The following FAT3 variants were observed in gnomAD, a reference collection of about 807,000 sequenced individuals.
FAT3 encodes the protein FAT atypical cadherin 3, also known as protocadherin Fat 3.
A neutral mutation model predicts 310.2 loss-of-function variants in FAT3; 95 were observed. The observed-to-expected ratio is 0.31, with a 90% CI of 0.26 to 0.36. FAT3 has a LOEUF of 0.36. Ranked by LOEUF, FAT3 falls within the 10% of genes least tolerant of loss-of-function variation. The probability of loss-of-function intolerance (pLI) is 1.00; values close to 1 mark genes in which losing one functional copy is unlikely to be tolerated. For missense variants in FAT3, 5,408 were observed against 5,715.6 expected, an observed-to-expected ratio of 0.95 and a Z score of 1.74; for synonymous variants, 2,314 against 2,192.9, an observed-to-expected ratio of 1.06 and a Z score of -1.54.
chr11:92,535,225 A>G (rs1954213432), intron 3 of FAT3, among the ~76,000 whole-genome samples: 1 of 152,166 alleles, frequency 6.6e-6, no homozygotes, highest in Non-Finnish European at 1.5e-5. Flanking sequence ...AGATGGAAGC[A>G]GAGACTGGAG....
chr11:92,757,594 T>C (rs1024857121), intron 4 of FAT3, among the ~76,000 whole-genome samples: 1 of 152,164 alleles, frequency 6.6e-6, no homozygotes, highest in Non-Finnish European at 1.5e-5. Flanking sequence ...GATGGAATGA[T>C]TGATGATGCC....
At chr11:92,304,212 A>AT (rs1331416666) in intron 1 of FAT3, among the ~76,000 whole-genome samples, 1 of 152,038 alleles carries the variant, frequency 6.6e-6, no homozygotes, top group African/African-American at 2.4e-5. Context: ...TCCAGCTTTC[A>AT]TTCTGCATAA....
chr11:92,856,680 A>G (rs764143327), intron 19 of FAT3, among the ~76,000 whole-genome samples: 1 of 152,218 alleles, frequency 6.6e-6, no homozygotes. Flanking sequence ...AGAAGGGATT[A>G]GGAAACAATG....
At chr11:92,311,248 A>G (rs1034011505) in intron 1 of FAT3, among the ~76,000 whole-genome samples, 5 of 152,110 alleles carry the variant, frequency 3.3e-5, no homozygotes, top group Non-Finnish European at 7.3e-5. Flanking sequence ...TTGGAAACCA[A>G]CTGAGCTTTA....
At chr11:92,315,510 T>TAGAGAGAGAGAGAG (rs1197551111) in intron 1 of FAT3, among the ~76,000 whole-genome samples, 21 of 78,158 alleles carry the variant, frequency 2.7e-4, no homozygotes, top group Admixed American at 4.5e-4. Flanking sequence ...TATATATATA[T>TAGAGAGAGAGAGAG]ATAGAGAGAG....
chr11:92,451,047 C>T (rs1218016720), intron 2 of FAT3, among the ~76,000 whole-genome samples: 2 of 151,390 alleles, frequency 1.3e-5, no homozygotes, highest in African/African-American at 2.4e-5. Flanking sequence ...TTTTTTTTTC[C>T]CCTCTTTTCC....
intron 1 of FAT3, among the ~76,000 whole-genome samples, chr11:92,262,198 A>G (rs753224506): frequency 5.9e-5 from 9 of 152,144 alleles, no homozygotes; most frequent in Non-Finnish European, 1.2e-4. Flanking sequence ...TGACTAAATC[A>G]GGAAATAGAA....
intron 2 of FAT3, among the ~76,000 whole-genome samples, chr11:92,420,161 A>G (rs1393643458): frequency 2.0e-5 from 3 of 152,228 alleles, no homozygotes; most frequent in South Asian, 2.1e-4. Context: ...CACAGAGACC[A>G]TCTGACACAC....
intron 10 of FAT3, among the ~76,000 whole-genome samples, chr11:92,803,276 G>T (rs1158011453): frequency 6.6e-6 from 1 of 152,208 alleles, no homozygotes. Context: ...AAAGTAATGA[G>T]TACAGAGTAG....
At chr11:92,783,357 C>CAAAAA (rs35357267) in intron 7 of FAT3, among the ~76,000 whole-genome samples, 4 of 45,064 alleles carry the variant, frequency 8.9e-5, no homozygotes, top group South Asian at 1.2e-3. Context: ...GACTCCATCT[C>CAAAAA]AAAAAAAAAA....
At chr11:92,437,771 C>G (rs139872706) in intron 2 of FAT3, among the ~76,000 whole-genome samples, 5 of 152,130 alleles carry the variant, frequency 3.3e-5, no homozygotes, top group Non-Finnish European at 5.9e-5. Flanking sequence ...TAGTAAGAGA[C>G]GAGATCTCAA....
chr11:92,822,364 C>T (rs1014504118), intron 13 of FAT3, among the ~76,000 whole-genome samples: 2 of 151,490 alleles, frequency 1.3e-5, no homozygotes, highest in African/African-American at 2.4e-5. Flanking sequence ...CAGTCTGGAT[C>T]GAACACTCGG....
At chr11:92,860,090 T>C (rs538065881) in intron 21 of FAT3, among the ~76,000 whole-genome samples, 1 of 152,280 alleles carries the variant, frequency 6.6e-6, no homozygotes, top group East Asian at 1.9e-4. Context: ...TAATCCCAGC[T>C]ACTTGGGAGG....
rs763535828 is a variant in FAT3, at chr11:92,354,468, C to T, written c.2356C>T (p.Leu786Phe). Residue 786 changes from leucine (L) to phenylalanine (F), a missense_variant, in exon 2 of 28, where the codon CTT becomes TTT. Physicochemically the swap from Leu to Phe is conservative, Grantham distance 22 (BLOSUM62 0). Transcript: ENST00000525166. ...IDMETGQLKV[L>F]MPMDREHTDL... ...TATGGAGACTGGGCAGCTTAAAGTC[C>T]TTATGCCCATGGATCGAGAACACAC... The T allele has an allele frequency of 6.2e-6, 10 of 1,613,724 alleles. No homozygotes were observed. In the African/African-American group the frequency reaches 1.1e-4, roughly 17 times the overall value.
chr11:92,480,901 C>A (rs942756293), intron 2 of FAT3, among the ~76,000 whole-genome samples: 1 of 152,156 alleles, frequency 6.6e-6, no homozygotes, highest in Non-Finnish European at 1.5e-5. Context: ...GGGTGCCCAG[C>A]AAACGTTTGT....
intron 3 of FAT3, among the ~76,000 whole-genome samples, chr11:92,648,967 T>A (rs1302543753): frequency 6.6e-6 from 1 of 152,174 alleles, no homozygotes; most frequent in Non-Finnish European, 1.5e-5. Flanking sequence ...TCCCTTCTGT[T>A]TTCATCTCTT....
intron 2 of FAT3, among the ~76,000 whole-genome samples, chr11:92,514,654 G>A (rs141636199): frequency 4.4e-4 from 67 of 152,142 alleles, no homozygotes; most frequent in African/African-American, 1.5e-3. Context: ...AATGGACAGA[G>A]GTCCTATCCT....
intron 1 of FAT3, among the ~76,000 whole-genome samples, chr11:92,300,285 A>G (rs1057129348): frequency 6.6e-6 from 1 of 152,090 alleles, no homozygotes; most frequent in Admixed American, 6.6e-5. Flanking sequence ...CCTTCAATCA[A>G]ATTCATGCTC....
At chr11:92,659,726 T>A (rs1330865520) in intron 3 of FAT3, among the ~76,000 whole-genome samples, 1 of 152,160 alleles carries the variant, frequency 6.6e-6, no homozygotes, top group Non-Finnish European at 1.5e-5. Flanking sequence ...GAAGATGGCC[T>A]TGTTTCTGTA....
Sources: allele counts gnomAD v4.1 joint callset (sites outside exome capture counted in the v4.1 genomes callset), GRCh38; gene constraint gnomAD v4.1.1; transcripts MANE v1.5; gene names NCBI Gene and HGNC (gene_info 2026-07-23, HGNC 2026-07-21).